The following FSTL5 variants were observed in gnomAD, a reference collection of about 807,000 sequenced individuals.
FSTL5 encodes follistatin-related protein 5.
FSTL5 carries 62 observed loss-of-function variants against 89.1 expected under a neutral mutation model. That is an observed-to-expected ratio of 0.70 (90% confidence interval 0.57 to 0.86). The LOEUF (loss-of-function observed/expected upper bound fraction) is 0.86, where lower values mean the gene tolerates loss of function less well. Ranked by LOEUF, FSTL5 falls within the 40% of genes least tolerant of loss-of-function variation. FSTL5 has a pLI of 0.00. For synonymous variants in FSTL5, 383 were observed against 346.2 expected (o/e 1.11, Z -1.18); for missense variants, 1,057 against 1,001.6 (o/e 1.06, Z -0.75).
intron 2 of FSTL5, among the ~76,000 whole-genome samples, chr4:162,037,145 G>C (rs1475242086): frequency 4.6e-5 from 7 of 151,800 alleles, no homozygotes; most frequent in Non-Finnish European, 1.0e-4. Context: ...AAAAAGAAGA[G>C]ACAGCATGAC....
intron 1 of FSTL5, among the ~76,000 whole-genome samples, chr4:162,121,186 T>C (rs972355516): frequency 6.6e-6 from 1 of 151,972 alleles, no homozygotes; most frequent in Non-Finnish European, 1.5e-5. Context: ...TTATATATAG[T>C]ATAGCATATA....
intron 3 of FSTL5, among the ~76,000 whole-genome samples, chr4:161,960,004 G>A (rs1009315290): frequency 2.0e-5 from 3 of 151,832 alleles, no homozygotes; most frequent in Admixed American, 6.6e-5. Context: ...ACACCAATTC[G>A]AGCAAAATAA....
intron 13 of FSTL5, among the ~76,000 whole-genome samples, chr4:161,475,165 G>A (rs1734089630): frequency 6.6e-6 from 1 of 151,700 alleles, no homozygotes. Context: ...CCCTCTTGCT[G>A]CTTTCATAAT....
rs1171950770 is a variant in FSTL5 at position 161,872,141 on chromosome 4, G to GTTTTTTTTT, written c.409+48254_409+48262dup. On this transcript the variant is annotated intron_variant, in intron 4 of 15. Coordinates refer to ENST00000306100, the MANE Select transcript of FSTL5 (RefSeq NM_020116.5). ...GCTTTGTAGTTTGTTTTTTTTTTTGGTTTTTTTTTTTTTTTTTGTAGAGAC... is the reference window on the plus strand; with the variant it reads ...GCTTTGTAGTTTGTTTTTTTTTTTGGTTTTTTTTTTTTTTTTTTTTTTTTTTGTAGAGAC... Among the ~76,000 whole-genome samples the GTTTTTTTTT allele has an allele frequency of 1.1e-3, 91 of 79,536 alleles. 3 individuals carry two copies. Among genetic ancestry groups the GTTTTTTTTT allele is most frequent in the African/African-American group, 4.4e-3 (82 of 18,678 alleles). 52.2% of individuals were successfully genotyped at this position (79,536 alleles called of 152,430 possible).
At chr4:161,779,047 G>A (rs968294135) in intron 4 of FSTL5, among the ~76,000 whole-genome samples, 5 of 152,326 alleles carry the variant, frequency 3.3e-5, no homozygotes, top group Non-Finnish European at 7.3e-5. Flanking sequence ...AGATCTGAAT[G>A]TTGGCGAGAG....
chr4:161,497,216 T>A (rs193297345), intron 12 of FSTL5, among the ~76,000 whole-genome samples: 8 of 152,292 alleles, frequency 5.3e-5, no homozygotes, highest in Non-Finnish European at 1.0e-4. Flanking sequence ...TCCAATTATT[T>A]AAGCTTATTT....
intron 2 of FSTL5, among the ~76,000 whole-genome samples, chr4:162,100,431 A>G (rs1473865033): frequency 6.6e-6 from 1 of 152,108 alleles, no homozygotes; most frequent in African/African-American, 2.4e-5. Context: ...GTGGTGAGGA[A>G]ATTCCAATGC....
chr4:161,526,767 T>C (rs951811456), intron 10 of FSTL5, among the ~76,000 whole-genome samples: 4 of 152,048 alleles, frequency 2.6e-5, no homozygotes, highest in Admixed American at 6.6e-5. Flanking sequence ...AGATATGCGG[T>C]GTTATTTCTG....
At chr4:161,684,671 T>C (rs1248436217) in intron 6 of FSTL5, among the ~76,000 whole-genome samples, 1 of 152,226 alleles carries the variant, frequency 6.6e-6, no homozygotes, top group East Asian at 1.9e-4. Context: ...ATTAGTCCTT[T>C]GTAGGATGCA....
chr4:162,050,145 A>G (rs1738332086), intron 2 of FSTL5, among the ~76,000 whole-genome samples: 2 of 151,872 alleles, frequency 1.3e-5, no homozygotes, highest in Non-Finnish European at 2.9e-5. Context: ...TGTAAAATAA[A>G]TTTTCCGCAA....
chr4:161,430,506 C>A (rs1418801789), intron 15 of FSTL5, among the ~76,000 whole-genome samples: 1 of 152,080 alleles, frequency 6.6e-6, no homozygotes, highest in Non-Finnish European at 1.5e-5. Context: ...TTTGGGAGGC[C>A]GAAGCAGGTG....
At chr4:161,841,021 T>A (rs181474917) in intron 4 of FSTL5, among the ~76,000 whole-genome samples, 15 of 152,278 alleles carry the variant, frequency 9.9e-5, no homozygotes, top group Admixed American at 5.9e-4. Flanking sequence ...TGAACTAACA[T>A]CACATTTTCT....
At chr4:161,903,175 G>A (rs1733420662) in intron 4 of FSTL5, among the ~76,000 whole-genome samples, 1 of 151,502 alleles carries the variant, frequency 6.6e-6, no homozygotes, top group African/African-American at 2.4e-5. Flanking sequence ...ATTTTTTTCA[G>A]CTAGGGTTAT....
At chr4:161,742,567 T>A in intron 6 of FSTL5, among the ~76,000 whole-genome samples, 1 of 152,138 alleles carries the variant, frequency 6.6e-6, no homozygotes, top group East Asian at 1.9e-4. Flanking sequence ...GAAATATGAG[T>A]AGCCTTTGAC....
At chr4:161,996,320 G>T (rs1346832366) in intron 3 of FSTL5, among the ~76,000 whole-genome samples, 1 of 152,174 alleles carries the variant, frequency 6.6e-6, no homozygotes, top group Non-Finnish European at 1.5e-5. Flanking sequence ...GGCAGAACTT[G>T]CTTTTCTTTC....
intron 11 of FSTL5, among the ~76,000 whole-genome samples, chr4:161,501,969 A>T (rs1248211662): frequency 6.6e-6 from 1 of 152,046 alleles, no homozygotes; most frequent in East Asian, 1.9e-4. Flanking sequence ...AACATAACAA[A>T]ACCATAATGT....
chr4:161,491,854 A>AAG (rs1553991287), intron 12 of FSTL5, among the ~76,000 whole-genome samples: 44 of 150,928 alleles, frequency 2.9e-4, no homozygotes, highest in African/African-American at 1.0e-3. Context: ...AAAAAAAAAA[A>AAG]AGAGAGAGAG....
At chr4:161,919,755 G>A (rs1344020267) in intron 4 of FSTL5, among the ~76,000 whole-genome samples, 1 of 152,092 alleles carries the variant, frequency 6.6e-6, no homozygotes, top group Non-Finnish European at 1.5e-5. Context: ...ACTGAATGAT[G>A]TTAAAACTGT....
chr4:161,883,302 G>A (rs1228364182), intron 4 of FSTL5, among the ~76,000 whole-genome samples: 1 of 152,154 alleles, frequency 6.6e-6, no homozygotes. Flanking sequence ...GGCTGAACAA[G>A]CTCTATTCAC....
Sources: allele counts gnomAD v4.1 joint callset (sites outside exome capture counted in the v4.1 genomes callset), GRCh38; gene constraint gnomAD v4.1.1; transcripts MANE v1.5; gene names NCBI Gene and HGNC (gene_info 2026-07-23, HGNC 2026-07-21).